RAB2A: variants seen among roughly 807,000 people sequenced by gnomAD.
RAB2A encodes RAB2A, member RAS oncogene family.
A neutral mutation model predicts 32.5 loss-of-function variants in RAB2A; 7 were observed. The ratio of observed to expected loss-of-function variants is 0.22; its 90% CI spans 0.12 to 0.40. The LOEUF is 0.40. Ranked by LOEUF, RAB2A falls within the 10% of genes least tolerant of loss-of-function variation. The pLI is 1.00. For missense variants in RAB2A, 108 were observed against 260.7 expected (o/e 0.41, Z 4.03); for synonymous variants, 79 against 85.2 (o/e 0.93, Z 0.40).
At chr8:60,545,072 C>T (rs181527050) in intron 1 of RAB2A, among the ~76,000 whole-genome samples, 80 of 152,214 alleles carry the variant, frequency 5.3e-4, no homozygotes, top group African/African-American at 1.9e-3. Context: ...TAAATTAAAG[C>T]TGTTTGGCTT....
intron 6 of RAB2A, among the ~76,000 whole-genome samples, chr8:60,597,244 A>G (rs917850153): frequency 3.3e-5 from 5 of 152,218 alleles, no homozygotes; most frequent in Admixed American, 2.6e-4. Flanking sequence ...CATATACACC[A>G]TGGAATACTA....
chr8:60,558,413 T>C, intron 1 of RAB2A: 2 of 508,326 alleles, frequency 3.9e-6, no homozygotes, highest in Non-Finnish European at 7.9e-6. Flanking sequence ...AAGGAGCTTT[T>C]CCCAGAAAAG....
chr8:60,532,425 C>A (rs1425247620), intron 1 of RAB2A, among the ~76,000 whole-genome samples: 1 of 152,136 alleles, frequency 6.6e-6, no homozygotes, highest in Non-Finnish European at 1.5e-5. Context: ...AATTGAGTCA[C>A]CAGTCCTCTA....
intron 6 of RAB2A, among the ~76,000 whole-genome samples, chr8:60,596,810 A>G (rs1804037121): frequency 6.6e-6 from 1 of 152,086 alleles, no homozygotes; most frequent in Admixed American, 6.5e-5. Context: ...AGTCCCAGCT[A>G]CTTGGGAGGC....
chr8:60,569,602 C>G (rs1808165699), intron 2 of RAB2A, among the ~76,000 whole-genome samples: 1 of 152,148 alleles, frequency 6.6e-6, no homozygotes, highest in South Asian at 2.1e-4. Context: ...CCTGGAGTTC[C>G]CAGGCTCAAG....
chr8:60,594,366 T>A (rs1021621419), intron 6 of RAB2A, among the ~76,000 whole-genome samples: 1 of 151,776 alleles, frequency 6.6e-6, no homozygotes, highest in African/African-American at 2.4e-5. Context: ...GAAAAAAAAA[T>A]CTTGAAAGCA....
At chr8:60,587,016 G>C (rs533253090) in intron 5 of RAB2A, among the ~76,000 whole-genome samples, 7 of 151,584 alleles carry the variant, frequency 4.6e-5, no homozygotes, top group African/African-American at 1.7e-4. Flanking sequence ...GGTAGATATT[G>C]ACAAGCTGAC....
At chr8:60,522,390 T>G (rs56165842) in intron 1 of RAB2A, among the ~76,000 whole-genome samples, 22,569 of 151,678 alleles carry the variant, frequency 0.15, 1,836 homozygotes, top group East Asian at 0.26. Context: ...ATAAAAAAAG[T>G]CCCAAGACTA....
At chr8:60,601,454 C>T (rs146981156) in intron 6 of RAB2A, among the ~76,000 whole-genome samples, 9 of 152,324 alleles carry the variant, frequency 5.9e-5, no homozygotes, top group Non-Finnish European at 1.2e-4. Flanking sequence ...TCTCCCACCT[C>T]AGCCTCCTGA....
chr8:60,552,499 C>T (rs1435172234), intron 1 of RAB2A: 1 of 152,098 alleles, frequency 6.6e-6, no homozygotes, highest in African/African-American at 2.4e-5. Context: ...TATTACTATA[C>T]TTTGTGATAT....
rs1453119423 is a variant in RAB2A, at chr8:60,572,122, A to T, written c.186+9A>T. 1.9e-6 allele frequency: 3 copies of T among 1,579,374 alleles called. No homozygotes were observed. In the East Asian group the frequency reaches 6.8e-5, roughly 36 times the overall value. On this transcript the variant is annotated intron_variant, in intron 3 of 7. Coordinates refer to ENST00000262646, the MANE Select transcript of RAB2A (RefSeq NM_002865.3). ...TTCAGATATGGGATACGGTAAGTAT[A>T]GGAAAAGTGCACTGTATGATCTCAG...
chr8:60,519,668 C>T (rs1022949692), intron 1 of RAB2A, among the ~76,000 whole-genome samples: 1 of 152,242 alleles, frequency 6.6e-6, no homozygotes, highest in Middle Eastern at 3.4e-3. Flanking sequence ...TATGTAGGTA[C>T]CTATTATATA....
intron 6 of RAB2A, among the ~76,000 whole-genome samples, chr8:60,609,827 A>G (rs1294605645): frequency 6.6e-6 from 1 of 152,034 alleles, no homozygotes; most frequent in Non-Finnish European, 1.5e-5. Context: ...TTAGCCAGGC[A>G]TGGTGGGACA....
At chr8:60,517,306 T>G (rs1807221200) in intron 1 of RAB2A, 53 bp downstream of exon 1, 1 of 1,437,436 alleles carries the variant, frequency 7.0e-7, no homozygotes, top group African/African-American at 1.5e-5. Flanking sequence ...GGACCCGGGC[T>G]GAGGGGCAAA....
chr8:60,549,247 G>A (rs1213032127), intron 1 of RAB2A, among the ~76,000 whole-genome samples: 1 of 152,224 alleles, frequency 6.6e-6, no homozygotes, highest in African/African-American at 2.4e-5. Flanking sequence ...TGGCGGCCGG[G>A]CAGAGGCTGC....
chr8:60,554,316 G>A (rs1294873329), intron 1 of RAB2A, among the ~76,000 whole-genome samples: 4 of 152,184 alleles, frequency 2.6e-5, no homozygotes, highest in African/African-American at 7.2e-5. Flanking sequence ...GATGAGATTG[G>A]TGAACCATTA....
chr8:60,556,820 C>CTT (rs1807946759), intron 1 of RAB2A, among the ~76,000 whole-genome samples: 1 of 152,048 alleles, frequency 6.6e-6, no homozygotes, highest in Admixed American at 6.6e-5. Flanking sequence ...TCTTCTATCA[C>CTT]TTAAATGATT....
intron 1 of RAB2A, among the ~76,000 whole-genome samples, chr8:60,557,069 T>A: frequency 6.6e-6 from 1 of 152,228 alleles, no homozygotes. Flanking sequence ...TCTTTTGTCT[T>A]CTGTCCTACA....
chr8:60,555,754 T>C (rs1807928319), intron 1 of RAB2A, among the ~76,000 whole-genome samples: 1 of 152,224 alleles, frequency 6.6e-6, no homozygotes, highest in African/African-American at 2.4e-5. Context: ...ACACTGTTGA[T>C]GGGAATTTAA....
Sources: gnomAD v4.1 joint callset for allele counts (sites outside exome capture counted in the v4.1 genomes callset) on GRCh38, gnomAD v4.1.1 for gene constraint, MANE v1.5 for transcripts, NCBI Gene and HGNC (gene_info 2026-07-23, HGNC 2026-07-21) for gene names.